GPC5: variants seen among roughly 807,000 people sequenced by gnomAD.
The protein encoded by GPC5 is glypican-5.
A neutral mutation model predicts 53.9 loss-of-function variants in GPC5; 47 were observed. The observed-to-expected ratio is 0.87, with a 90% CI of 0.69 to 1.11. The LOEUF (loss-of-function observed/expected upper bound fraction) is 1.11, where lower values mean the gene tolerates loss of function less well. Ranked by LOEUF, GPC5 falls within the 50% of genes most tolerant of loss-of-function variation. The pLI is 0.00. For missense variants in GPC5, 748 were observed against 713.1 expected (o/e 1.05, Z -0.56); for synonymous variants, 286 against 263.3 (o/e 1.09, Z -0.84).
intron 5 of GPC5, among the ~76,000 whole-genome samples, chr13:91,887,226 A>G (rs1044311692): frequency 6.6e-6 from 1 of 152,130 alleles, no homozygotes; most frequent in African/African-American, 2.4e-5. Context: ...ACCTCCAAAG[A>G]CATGGTTTGA....
chr13:91,975,737 G>T (rs1291498461), intron 6 of GPC5, among the ~76,000 whole-genome samples: 1 of 152,164 alleles, frequency 6.6e-6, no homozygotes, highest in African/African-American at 2.4e-5. Flanking sequence ...TCTAGAACTA[G>T]AAATACCATT....
chr13:91,932,144 G>A (rs189873263), intron 6 of GPC5, among the ~76,000 whole-genome samples: 16 of 152,044 alleles, frequency 1.1e-4, no homozygotes, highest in Non-Finnish European at 2.2e-4. Flanking sequence ...TTAAGAATTT[G>A]GCTGCAAAGA....
intron 7 of GPC5, among the ~76,000 whole-genome samples, chr13:92,176,848 C>T (rs186517421): frequency 1.3e-5 from 2 of 152,274 alleles, no homozygotes. Context: ...TGCTTCTTTA[C>T]ATACTGTATC....
intron 7 of GPC5, among the ~76,000 whole-genome samples, chr13:92,218,208 G>T (rs188721036): frequency 6.6e-6 from 1 of 152,034 alleles, no homozygotes; most frequent in Admixed American, 6.6e-5. Flanking sequence ...GACTACAGTT[G>T]CTCACTTTAC....
At chr13:92,658,932 T>TTTG (rs1555299950) in intron 7 of GPC5, 16 of 134,008 alleles carry the variant, frequency 1.2e-4, no homozygotes, top group African/African-American at 4.4e-4. Flanking sequence ...TTGTTTTTTT[T>TTTG]TTTTTTTTTT....
At chr13:92,753,378 G>GA (rs965902716) in intron 7 of GPC5, among the ~76,000 whole-genome samples, 6 of 152,110 alleles carry the variant, frequency 3.9e-5, no homozygotes, top group Admixed American at 3.3e-4. Flanking sequence ...CAAAGATGGG[G>GA]AAAAAACAGA....
chr13:92,073,864 T>G (rs1335001093), intron 6 of GPC5, among the ~76,000 whole-genome samples: 1 of 152,104 alleles, frequency 6.6e-6, no homozygotes, highest in Non-Finnish European at 1.5e-5. Context: ...GGGACGTAAT[T>G]GAATCATGGG....
chr13:91,433,443 A>G (rs969974271), intron 1 of GPC5, among the ~76,000 whole-genome samples: 2 of 147,132 alleles, frequency 1.4e-5, no homozygotes, highest in African/African-American at 5.0e-5. Context: ...GAGTGAGAAC[A>G]TGTGGTGGTT....
intron 7 of GPC5, among the ~76,000 whole-genome samples, chr13:92,732,904 A>C (rs905631059): frequency 6.6e-6 from 1 of 151,492 alleles, no homozygotes; most frequent in Non-Finnish European, 1.5e-5. Context: ...TCCCATCCTG[A>C]GATTTTATTC....
At chr13:92,350,995 G>C (rs925974263) in intron 7 of GPC5, among the ~76,000 whole-genome samples, 2 of 151,926 alleles carry the variant, frequency 1.3e-5, no homozygotes, top group Non-Finnish European at 2.9e-5. Context: ...ATACAAAAAA[G>C]ACTATTTCAG....
intron 7 of GPC5, among the ~76,000 whole-genome samples, chr13:92,284,687 A>T (rs1217519666): frequency 6.6e-6 from 1 of 152,226 alleles, no homozygotes; most frequent in African/African-American, 2.4e-5. Flanking sequence ...GACAAAATTC[A>T]ACAGCCCTTC....
chr13:91,438,408 G>T (rs1269334238), intron 1 of GPC5, among the ~76,000 whole-genome samples: 1 of 152,172 alleles, frequency 6.6e-6, no homozygotes, highest in Admixed American at 6.5e-5. Flanking sequence ...AGGTCTGTTG[G>T]AGTTTGCTGG....
chr13:91,679,033 A>T (rs2035447982), intron 2 of GPC5, among the ~76,000 whole-genome samples: 1 of 152,188 alleles, frequency 6.6e-6, no homozygotes. Context: ...GTATGAAAAC[A>T]TTTAAAGTGC....
intron 7 of GPC5, among the ~76,000 whole-genome samples, chr13:92,833,426 T>C (rs1878117784): frequency 6.6e-6 from 1 of 152,166 alleles, no homozygotes; most frequent in Non-Finnish European, 1.5e-5. Flanking sequence ...TGACAATCTG[T>C]TTAACTGTGG....
At chr13:92,263,761 A>C (rs1230612863) in intron 7 of GPC5, among the ~76,000 whole-genome samples, 1 of 152,152 alleles carries the variant, frequency 6.6e-6, no homozygotes, top group Non-Finnish European at 1.5e-5. Context: ...TCATCTGAAA[A>C]TGTTTTCTTG....
intron 7 of GPC5, among the ~76,000 whole-genome samples, chr13:92,295,171 C>T (rs897059826): frequency 2.0e-5 from 3 of 152,092 alleles, no homozygotes; most frequent in East Asian, 3.9e-4. Flanking sequence ...GAACTTTCCT[C>T]TTAGCACCAC....
At chr13:92,366,453 C>A (rs570262523) in intron 7 of GPC5, among the ~76,000 whole-genome samples, 1 of 151,874 alleles carries the variant, frequency 6.6e-6, no homozygotes, top group South Asian at 2.1e-4. Flanking sequence ...TTGATACAGG[C>A]AAACACAACT....
At chr13:92,340,900 T>G (rs2043360854) in intron 7 of GPC5, among the ~76,000 whole-genome samples, 1 of 152,122 alleles carries the variant, frequency 6.6e-6, no homozygotes, top group Admixed American at 6.6e-5. Flanking sequence ...GGCCAATTGG[T>G]TGTAAAATCA....
At chr13:92,305,271 A>G (rs1352507650) in intron 7 of GPC5, among the ~76,000 whole-genome samples, 1 of 152,178 alleles carries the variant, frequency 6.6e-6, no homozygotes, top group Non-Finnish European at 1.5e-5. Context: ...GAATCGTTAA[A>G]GTTAACCCAT....
Sources: allele counts gnomAD v4.1 joint callset (sites outside exome capture counted in the v4.1 genomes callset), GRCh38; gene constraint gnomAD v4.1.1; transcripts MANE v1.5; gene names NCBI Gene and HGNC (gene_info 2026-07-23, HGNC 2026-07-21).